Variants in CASQ2 observed in about 807,000 individuals in gnomAD.
CASQ2 encodes the protein calsequestrin-2.
Under a neutral mutation model 46.5 loss-of-function variants are expected in CASQ2, and 49 were observed. The observed-to-expected ratio is 1.05, with a 90% CI of 0.84 to 1.34. The LOEUF is 1.34. Among genes scored for constraint, CASQ2 ranks in the 40% most tolerant of loss-of-function variants. The probability of loss-of-function intolerance (pLI) is 0.00; values close to 1 mark genes in which losing one functional copy is unlikely to be tolerated. For synonymous variants in CASQ2, 174 were observed against 168.5 expected, an observed-to-expected ratio of 1.03 and a Z score of -0.25; for missense variants, 486 against 481.3, an observed-to-expected ratio of 1.01 and a Z score of -0.09.
At chr1:115,741,239 T>C (rs1648165557) in intron 2 of CASQ2, among the ~76,000 whole-genome samples, 2 of 152,224 alleles carry the variant, frequency 1.3e-5, no homozygotes, top group Non-Finnish European at 2.9e-5. Context: ...GGTAGACTTG[T>C]ACTCCTTTGA....
At chr1:115,745,929 A>G (rs1648370890) in intron 1 of CASQ2, among the ~76,000 whole-genome samples, 1 of 152,182 alleles carries the variant, frequency 6.6e-6, no homozygotes, top group Non-Finnish European at 1.5e-5. Flanking sequence ...GAACATTTCC[A>G]CCACCACAAG....
At chr1:115,709,932 TC>T (rs1474188217) in intron 8 of CASQ2, among the ~76,000 whole-genome samples, 2 of 152,176 alleles carry the variant, frequency 1.3e-5, no homozygotes, top group African/African-American at 4.8e-5. Context: ...AGTCTTGACT[TC>T]CCAGGCTCAA....
At chr1:115,725,653 T>G (rs2101077539) in intron 6 of CASQ2, 100 bp from the exon 7 acceptor site, 1 of 1,454,094 alleles carries the variant, frequency 6.9e-7, no homozygotes, top group Middle Eastern at 2.5e-4. Context: ...TAAAATGAGA[T>G]GATGCTTCCT....
chr1:115,752,429 CAAAT>C (rs1411559032), intron 1 of CASQ2, among the ~76,000 whole-genome samples: 1 of 152,052 alleles, frequency 6.6e-6, no homozygotes, highest in African/African-American at 2.4e-5. Flanking sequence ...AAAATAAAAA[CAAAT>C]AAAAGCGGTA....
At chr1:115,750,611 C>A (rs1648548430) in intron 1 of CASQ2, among the ~76,000 whole-genome samples, 1 of 152,252 alleles carries the variant, frequency 6.6e-6, no homozygotes, top group South Asian at 2.1e-4. Flanking sequence ...CAGGTTCAAG[C>A]AATCCTCCCA....
chr1:115,717,663 T>A (rs1271740098), intron 8 of CASQ2, among the ~76,000 whole-genome samples, 177 bp downstream of exon 8: 6 of 152,356 alleles, frequency 3.9e-5, no homozygotes, highest in African/African-American at 1.4e-4. Flanking sequence ...TTTTCTTCTC[T>A]TAGCCGTGTG....
At chr1:115,761,923 C>T (rs909058317) in intron 1 of CASQ2, among the ~76,000 whole-genome samples, 6 of 152,178 alleles carry the variant, frequency 3.9e-5, no homozygotes, top group Non-Finnish European at 8.8e-5. Flanking sequence ...AGGTAGTGGT[C>T]CTGCCATTTA....
chr1:115,708,557 A>T (rs1654435142), intron 8 of CASQ2, among the ~76,000 whole-genome samples: 1 of 152,200 alleles, frequency 6.6e-6, no homozygotes, highest in African/African-American at 2.4e-5. Flanking sequence ...TTCTCTCCTC[A>T]TCTTTAAAAC....
chr1:115,729,572 A>G (rs1647717585), intron 5 of CASQ2, among the ~76,000 whole-genome samples: 2 of 152,344 alleles, frequency 1.3e-5, no homozygotes, highest in South Asian at 4.1e-4. Context: ...GAATTCTTTC[A>G]TGCTTTTATC....
At chr1:115,745,406 G>T (rs9887853) in intron 1 of CASQ2, among the ~76,000 whole-genome samples, 41,603 of 151,972 alleles carry the variant, frequency 0.27, 6,104 homozygotes, top group East Asian at 0.43. Flanking sequence ...AATGCCCATT[G>T]GGTGAATAGA....
chr1:115,727,957 C>T (rs1647651998), intron 5 of CASQ2, among the ~76,000 whole-genome samples: 1 of 152,218 alleles, frequency 6.6e-6, no homozygotes, highest in Non-Finnish European at 1.5e-5. Context: ...AGCTGCTGAA[C>T]TCAGGACCTC....
chr1:115,705,171 G>A, intron 9 of CASQ2, 21 bp downstream of exon 9: 1 of 1,478,336 alleles, frequency 6.8e-7, no homozygotes, highest in South Asian at 1.1e-5. Context: ...TGAGGGTGGG[G>A]CGCTGGCTGG....
At chr1:115,752,797 T>A (rs778032262) in intron 1 of CASQ2, among the ~76,000 whole-genome samples, 1 of 152,062 alleles carries the variant, frequency 6.6e-6, no homozygotes, top group Non-Finnish European at 1.5e-5. Context: ...TGGATCTGAG[T>A]GCGTAGAGCA....
At chr1:115,725,318 C>T (rs142224647) in intron 7 of CASQ2, among the ~76,000 whole-genome samples, 190 bp downstream of exon 7, 5 of 152,176 alleles carry the variant, frequency 3.3e-5, no homozygotes, top group Non-Finnish European at 5.9e-5. Flanking sequence ...TCCCTGGCCC[C>T]GGCCTCCCAG....
intron 1 of CASQ2, among the ~76,000 whole-genome samples, chr1:115,760,452 G>C (rs1648897530): frequency 6.6e-6 from 1 of 152,114 alleles, no homozygotes; most frequent in African/African-American, 2.4e-5. Flanking sequence ...GCTCAAGCTG[G>C]AGTGCAGTAT....
At chr1:115,760,073 C>T (rs911874711) in intron 1 of CASQ2, among the ~76,000 whole-genome samples, 14 of 152,148 alleles carry the variant, frequency 9.2e-5, no homozygotes, top group Non-Finnish European at 1.8e-4. Flanking sequence ...GGGAGAACCC[C>T]GGGAGGCCTG....
intron 10 of CASQ2, among the ~76,000 whole-genome samples, chr1:115,702,306 C>T (rs1354566319): frequency 1.3e-5 from 2 of 152,144 alleles, no homozygotes; most frequent in Non-Finnish European, 2.9e-5. Flanking sequence ...CCACTGTTTG[C>T]CTGATTGTAT....
chr1:115,725,379 A>C, intron 7 of CASQ2, 129 bp downstream of exon 7: 1 of 1,052,996 alleles, frequency 9.5e-7, no homozygotes, highest in African/African-American at 1.6e-5. Context: ...TCCATGTTTC[A>C]AATACTCATC....
In CASQ2 at chr1:115,727,114, C is replaced by A. The variant is rs758082383; in HGVS notation, c.615G>T (p.Lys205Asn). The change falls in exon 6 of 11, where the codon AAG becomes AAT. Residue 205 changes from lysine to asparagine, a missense_variant. Coordinates refer to ENST00000261448, the MANE Select transcript of CASQ2 (RefSeq NM_001232.4). Reference protein sequence around the residue: ...FFATFDKGVAKKLSLKMNEVD... With the variant: ...FFATFDKGVANKLSLKMNEVD... ...CCTCATTCATCTTCAAAGATAATTT[C>A]TTTGCAACCTGTAACCATTAGAAAT... The A allele has an allele frequency of 1.9e-5, 31 of 1,611,958 alleles. No homozygotes were observed. Among genetic ancestry groups the A allele is most frequent in the Middle Eastern group, 1.6e-4 (1 of 6,072 alleles).
Sources: allele counts gnomAD v4.1 joint callset (sites outside exome capture counted in the v4.1 genomes callset), GRCh38; gene constraint gnomAD v4.1.1; transcripts MANE v1.5; gene names NCBI Gene and HGNC (gene_info 2026-07-23, HGNC 2026-07-21).